The following RGS7 variants were observed in gnomAD, a reference collection of about 807,000 sequenced individuals.
RGS7 encodes the protein regulator of G protein signaling 7.
RGS7 carries 27 observed loss-of-function variants against 81.1 expected under a neutral mutation model. The observed-to-expected ratio is 0.33, with a 90% CI of 0.25 to 0.46. RGS7 has a LOEUF of 0.46. Ranked by LOEUF, RGS7 falls within the 20% of genes least tolerant of loss-of-function variation. The probability of loss-of-function intolerance (pLI) is 1.00; values close to 1 mark genes in which losing one functional copy is unlikely to be tolerated. For missense variants in RGS7, 396 were observed against 607.4 expected (o/e 0.65, Z 3.66); for synonymous variants, 208 against 207.7 (o/e 1.00, Z -0.01).
intron 9 of RGS7, among the ~76,000 whole-genome samples, chr1:240,849,416 G>A (rs1230565953): frequency 6.6e-6 from 1 of 152,154 alleles, no homozygotes; most frequent in Non-Finnish European, 1.5e-5. Context: ...AGTCCTGGGG[G>A]AAATAAAACA....
At chr1:241,086,354 T>G (rs780115889) in intron 3 of RGS7, among the ~76,000 whole-genome samples, 1 of 152,208 alleles carries the variant, frequency 6.6e-6, no homozygotes. Flanking sequence ...GTCATACATA[T>G]GGGTGACATC....
At chr1:241,020,528 T>C (rs1356323120) in intron 3 of RGS7, among the ~76,000 whole-genome samples, 5 of 152,198 alleles carry the variant, frequency 3.3e-5, no homozygotes, top group African/African-American at 1.2e-4. Context: ...GAAGATCTCA[T>C]CTTGAGATCC....
intron 2 of RGS7, among the ~76,000 whole-genome samples, chr1:241,132,086 A>T (rs1037674892): frequency 1.3e-5 from 2 of 152,248 alleles, no homozygotes; most frequent in African/African-American, 2.4e-5. Flanking sequence ...CCAAGAGCCA[A>T]GTATTCTGAT....
chr1:240,977,458 T>C (rs1249793100), intron 4 of RGS7, among the ~76,000 whole-genome samples: 6 of 152,240 alleles, frequency 3.9e-5, no homozygotes, highest in Non-Finnish European at 7.3e-5. Context: ...TTTAGATTCT[T>C]ACTGATATGA....
intron 2 of RGS7, among the ~76,000 whole-genome samples, chr1:241,228,024 G>C (rs1054501476): frequency 2.0e-5 from 3 of 152,176 alleles, no homozygotes; most frequent in African/African-American, 7.2e-5. Flanking sequence ...AGGTGGTGGT[G>C]AAAGTGACAC....
chr1:240,834,291 T>C (rs912209181), intron 9 of RGS7, among the ~76,000 whole-genome samples: 1 of 152,188 alleles, frequency 6.6e-6, no homozygotes, highest in Non-Finnish European at 1.5e-5. Context: ...ACTCATTTGA[T>C]TCCTATTAGG....
At chr1:240,845,257 A>G (rs1658862186) in intron 9 of RGS7, among the ~76,000 whole-genome samples, 1 of 152,224 alleles carries the variant, frequency 6.6e-6, no homozygotes, top group South Asian at 2.1e-4. Flanking sequence ...CCAGCAGCCT[A>G]GCATGGCTGA....
intron 3 of RGS7, among the ~76,000 whole-genome samples, chr1:241,009,128 C>T (rs1240833204): frequency 6.6e-6 from 1 of 152,046 alleles, no homozygotes; most frequent in Non-Finnish European, 1.5e-5. Context: ...ATTAACTTCC[C>T]TTTTACTTCT....
At chr1:241,304,558 A>G (rs910951448) in intron 2 of RGS7, among the ~76,000 whole-genome samples, 1 of 152,190 alleles carries the variant, frequency 6.6e-6, no homozygotes, top group African/African-American at 2.4e-5. Flanking sequence ...ACAGCTGGGT[A>G]TAAAAGCAAA....
chr1:241,299,814 G>A, intron 2 of RGS7, among the ~76,000 whole-genome samples: 1 of 22,568 alleles, frequency 4.4e-5, no homozygotes, highest in African/African-American at 7.9e-5. Flanking sequence ...AGTTTTATTA[G>A]GCCTTTAAAA....
At chr1:241,293,636 A>AT (rs766329365) in intron 2 of RGS7, among the ~76,000 whole-genome samples, 138 of 152,320 alleles carry the variant, frequency 9.1e-4, no homozygotes, top group Admixed American at 1.7e-3. Context: ...GAATAAGAAT[A>AT]TAAAAAAGAA....
At chr1:240,873,127 A>G (rs547586278) in intron 6 of RGS7, among the ~76,000 whole-genome samples, 15 of 152,200 alleles carry the variant, frequency 9.9e-5, no homozygotes, top group African/African-American at 3.6e-4. Context: ...CAGCTAAGGC[A>G]AGGTGCTTTT....
chr1:240,916,259 A>G (rs1443352725), intron 6 of RGS7, among the ~76,000 whole-genome samples: 1 of 138,192 alleles, frequency 7.2e-6, no homozygotes, highest in African/African-American at 2.7e-5. Flanking sequence ...CCTGGGTGAC[A>G]GAGTGAGACA....
chr1:241,101,768 G>C (rs2064758583), intron 2 of RGS7, among the ~76,000 whole-genome samples: 1 of 152,158 alleles, frequency 6.6e-6, no homozygotes, highest in African/African-American at 2.4e-5. Flanking sequence ...CTAAACCCTT[G>C]TATTATCTGC....
chr1:241,348,528 T>C (rs1165551302), intron 2 of RGS7, among the ~76,000 whole-genome samples: 1 of 152,182 alleles, frequency 6.6e-6, no homozygotes, highest in Non-Finnish European at 1.5e-5. Flanking sequence ...AGAGAGGCCA[T>C]AGAAAGACAA....
intron 3 of RGS7, among the ~76,000 whole-genome samples, chr1:240,984,671 C>G (rs1263894090): frequency 6.6e-6 from 1 of 152,136 alleles, no homozygotes; most frequent in Admixed American, 6.5e-5. Flanking sequence ...TGAATTGAAT[C>G]AAACTTCAGT....
chr1:241,294,264 G>C (rs2079261105), intron 2 of RGS7, among the ~76,000 whole-genome samples: 1 of 151,560 alleles, frequency 6.6e-6, no homozygotes, highest in Non-Finnish European at 1.5e-5. Flanking sequence ...CACAGGGAGG[G>C]GAACATCACA....
At chr1:240,810,209 G>C (rs1689598605) in intron 14 of RGS7, among the ~76,000 whole-genome samples, 1 of 152,108 alleles carries the variant, frequency 6.6e-6, no homozygotes, top group South Asian at 2.1e-4. Context: ...ATGATTTTGT[G>C]CTGTGATTTG....
intron 6 of RGS7, among the ~76,000 whole-genome samples, chr1:240,887,090 C>T (rs1667456881): frequency 6.6e-6 from 1 of 152,140 alleles, no homozygotes; most frequent in Admixed American, 6.5e-5. Context: ...GTGTTAACTA[C>T]AGACGGAAAG....
Sources: allele counts gnomAD v4.1 joint callset (sites outside exome capture counted in the v4.1 genomes callset), GRCh38; gene constraint gnomAD v4.1.1; transcripts MANE v1.5; gene names NCBI Gene and HGNC (gene_info 2026-07-23, HGNC 2026-07-21).